WDR18: variants seen among roughly 807,000 people sequenced by gnomAD.
The protein encoded by WDR18 is WD repeat domain 18.
WDR18 carries 33 observed loss-of-function variants against 49.6 expected under a neutral mutation model. The ratio of observed to expected loss-of-function variants is 0.67; its 90% CI spans 0.50 to 0.89. WDR18 has a LOEUF of 0.89. Ranked by LOEUF, WDR18 falls within the 40% of genes least tolerant of loss-of-function variation. The probability of loss-of-function intolerance (pLI) is 0.00; values close to 1 mark genes in which losing one functional copy is unlikely to be tolerated. For synonymous variants in WDR18, 315 were observed against 263.6 expected (o/e 1.19, Z -1.89); for missense variants, 653 against 593.6 (o/e 1.10, Z -1.04).
At position 991,231 on chromosome 19, in the gene WDR18, C is replaced by A; in HGVS notation, c.811C>A (p.Gln271Lys). 6.4e-7 allele frequency: 1 copy of A among 1,574,472 alleles called. No individual in the cohort carries two copies. Among genetic ancestry groups the A allele is most frequent in the Admixed American group, 1.8e-5 (1 of 55,882 alleles). ...GACCCCTGTCTGTCTGTCCAGGAAC[C>A]AGGTGACTTGCCTGTCAGTGTCCAC... ...AGKVFKGHRN[Q>K]VTCLSVSTDG... The change falls in exon 7 of 10, where the codon CAG (glutamine) becomes AAG (lysine). Residue 271 changes from glutamine to lysine, a missense_variant. Physicochemically the swap from Gln to Lys is moderately conservative, Grantham distance 53. Transcript: ENST00000585809.
chr19:984,150 A>G (rs1027032161), upstream of WDR18: 20 of 546,180 alleles, frequency 3.7e-5, no homozygotes, highest in Non-Finnish European at 5.8e-5. Flanking sequence ...TCGCCTCCCC[A>G]GATCTCTAAG....
Position 991,296 on chromosome 19 carries a change from C to G in WDR18, c.876C>G (p.Thr292=). ...TGCTCTCAGGCTCCCACGACGAGAC[C>G]GTGCGCCTCTGGGACGTGCAGAGCA... ...SVLLSGSHDE[T]VRLWDVQSKQ... Residue 292 remains threonine (T), a synonymous_variant, in exon 7 of 10, where the codon ACC becomes ACG. Transcript: ENST00000585809. 1 of 1,563,074 alleles carries G rather than the reference C, an allele frequency of 6.4e-7. No homozygotes were observed.
chr19:990,324 T>A lies in WDR18; in HGVS notation c.557T>A (p.Leu186Gln). 1 of 1,592,000 alleles carries A rather than the reference T, an allele frequency of 6.3e-7. No homozygotes were observed. Among genetic ancestry groups the A allele is most frequent in the South Asian group, 1.1e-5 (1 of 89,638 alleles). Residue 186 changes from leucine to glutamine, a missense_variant, in exon 4 of 10, where the codon CTG becomes CAG. Leu to Gln is a moderately radical substitution (Grantham distance 113). Coordinates refer to ENST00000585809, the MANE Select transcript of WDR18 (RefSeq NM_024100.4). ...CTGCACTGCGGCTTTGGGGGCCCCC[T>A]GGCCCGGGTGGCCACCTCCTCACTG... is the stretch of plus-strand genomic sequence containing the variant. ...TDLHCGFGGP[L>Q]ARVATSSLDQ...
intron 2 of WDR18, 22 bp downstream of exon 2, chr19:985,997 C>T (rs2074574): frequency 5.6e-6 from 9 of 1,608,568 alleles, no homozygotes; most frequent in South Asian, 2.2e-5. Context: ...AAAGCGTGAG[C>T]GTTTCCCACA....
Position 994,266 on chromosome 19 carries a change from C to A in WDR18, c.1221C>A (p.Asp407Glu). Residue 407 changes from aspartate to glutamate, a missense_variant, in exon 10 of 10, where the codon GAC (aspartate) becomes GAA (glutamate). By Grantham distance (45) the Asp-to-Glu change is conservative. Transcript: ENST00000585809. ...QLRVRVTELE[D>E]EVRNLRKINR... ...GCGTCCGTGTGACGGAGCTGGAGGA[C>A]GAGGTGCGCAACCTGCGCAAGATCA... 6.2e-7 allele frequency: 1 copy of A among 1,609,610 alleles called. No homozygotes were observed. The highest frequency in any genetic ancestry group is 8.5e-7 in the Non-Finnish European group (1 of 1,178,818).
Position 985,846 on chromosome 19 carries a change from G to T in WDR18, c.211-19G>T. On this transcript the variant is annotated intron_variant, in intron 1 of 9. Transcript: ENST00000585809. ...CCGTGTCCTGCATGGGGCTCACGAGGCTGACTGTGCATCCTTAGGACCAGC... is the reference window on the plus strand; with the variant it reads ...CCGTGTCCTGCATGGGGCTCACGAGTCTGACTGTGCATCCTTAGGACCAGC... 3.7e-6 allele frequency: 6 copies of T among 1,613,098 alleles called. No homozygotes were observed. The highest frequency in any genetic ancestry group is 5.1e-6 in the Non-Finnish European group (6 of 1,179,460).
chr19:992,286 T>C (rs148670438), intron 8 of WDR18, among the ~76,000 whole-genome samples, 165 bp downstream of exon 8: 83 of 152,270 alleles, frequency 5.5e-4, no homozygotes, highest in African/African-American at 1.9e-3. Context: ...CGGTGGGGCC[T>C]CTGCCCACTC....
intron 7 of WDR18, 122 bp from the exon 8 acceptor site, chr19:991,833 G>C (rs1269259999): frequency 9.0e-7 from 1 of 1,111,106 alleles, no homozygotes; most frequent in Admixed American, 4.1e-5. Flanking sequence ...CTGGGGGCGT[G>C]GACTGGCTGT....
chr19:991,386 G>A, intron 7 of WDR18, 35 bp downstream of exon 7: 1 of 1,515,252 alleles, frequency 6.6e-7, no homozygotes, highest in Non-Finnish European at 8.9e-7. Context: ...CGGCCAGCGC[G>A]CAGGGGAAAA....
rs1235818561 is a variant in WDR18 at position 985,941 on chromosome 19, T to C, written c.287T>C (p.Leu96Pro). The part of the protein sequence containing the change: ...LTASPNGLYV[L>P]AGVAESIHLW... ...GCATCACCCAATGGTCTCTACGTCC[T>C]GGCAGGAGTTGCAGAAAGCATCCAC... Residue 96 changes from leucine (L) to proline (P), a missense_variant, in exon 2 of 10, where the codon CTG (leucine) becomes CCG (proline). Coordinates refer to ENST00000585809, the MANE Select transcript of WDR18 (RefSeq NM_024100.4). 21 of 1,613,718 alleles carry C rather than the reference T, an allele frequency of 1.3e-5. No homozygotes were observed. In the Admixed American group the frequency reaches 3.5e-4, roughly 27 times the overall value.
intron 2 of WDR18, among the ~76,000 whole-genome samples, chr19:987,876 C>T (rs1222461900): frequency 1.5e-5 from 2 of 129,784 alleles, no homozygotes; most frequent in Admixed American, 8.1e-5. Flanking sequence ...GCTCTGTTGC[C>T]CGGGCTGGAG....
At chr19:991,385 C>G in intron 7 of WDR18, 34 bp downstream of exon 7, 2 of 1,484,972 alleles carry the variant, frequency 1.3e-6, no homozygotes, top group Non-Finnish European at 1.8e-6. Flanking sequence ...GCGGCCAGCG[C>G]GCAGGGGAAA....
intron 7 of WDR18, 45 bp from the exon 8 acceptor site, chr19:991,910 G>A: frequency 2.1e-6 from 3 of 1,459,494 alleles, no homozygotes; most frequent in Non-Finnish European, 2.7e-6. Context: ...CTGTGGGGTG[G>A]GGCCTGGCTG....
intron 2 of WDR18, among the ~76,000 whole-genome samples, chr19:988,016 G>C (rs57692451): frequency 1.3e-5 from 2 of 151,790 alleles, no homozygotes; most frequent in Non-Finnish European, 2.9e-5. Context: ...TTTTATTAGA[G>C]ACGGAGTTTT....
upstream of WDR18, chr19:984,270 C>CG: frequency 2.2e-6 from 3 of 1,342,118 alleles, no homozygotes; most frequent in Non-Finnish European, 2.9e-6. Flanking sequence ...GCTGGGGCCG[C>CG]GGGGCCGCCG....
At chr19:992,501 C>A (rs116420376) in intron 8 of WDR18, among the ~76,000 whole-genome samples, 3,404 of 152,324 alleles carry the variant, frequency 0.022, 138 homozygotes, top group African/African-American at 0.078. Flanking sequence ...GCAGGAGCAG[C>A]CGTGAGGGCA....
At position 990,358 on chromosome 19, in the gene WDR18, G is replaced by C; in HGVS notation, c.591G>C (p.Thr197=). 2.6e-6 allele frequency: 4 copies of C among 1,565,648 alleles called. No individual in the cohort carries two copies. Among genetic ancestry groups the C allele is most frequent in the South Asian group, 1.1e-5 (1 of 86,978 alleles). ...ARVATSSLDQ[T]VKLWEVSSGE... ...TGGCCACCTCCTCACTGGACCAGAC[G>C]GTGAAGGTACGCCGCCCCCACCCCA... The change falls in exon 4 of 10, where the codon ACG becomes ACC. Residue 197 remains threonine (T), a synonymous_variant. Coordinates refer to ENST00000585809, the MANE Select transcript of WDR18 (RefSeq NM_024100.4).
rs888924765 is a variant in WDR18, at chr19:994,536, T to C, written c.*192T>C. 2.0e-5 allele frequency: 16 copies of C among 815,108 alleles called. No individual in the cohort carries two copies. The highest frequency in any genetic ancestry group is 2.8e-5 in the Non-Finnish European group (15 of 537,410). The allele number at this position is 815,108 out of a possible 1,614,324, so 50.5% of individuals were successfully genotyped here. A position where few individuals can be genotyped will look rare whatever the true frequency, so the allele number is the denominator to read the frequency against. ...CGTCACAGTGGTGCTAGTCTGTTTT[T>C]AACAAAAGAGGATGAAAAGCCCCTC... On this transcript the variant is annotated 3_prime_UTR_variant, in exon 10 of 10. Transcript: ENST00000585809.
intron 1 of WDR18, among the ~76,000 whole-genome samples, chr19:985,504 CT>C (rs2038465353): frequency 6.6e-6 from 1 of 152,136 alleles, no homozygotes; most frequent in African/African-American, 2.4e-5. Flanking sequence ...GAAGCTGAGG[CT>C]TGGGGTCTTA....
Sources: gnomAD v4.1 joint callset for allele counts (sites outside exome capture counted in the v4.1 genomes callset) on GRCh38, gnomAD v4.1.1 for gene constraint, MANE v1.5 for transcripts, NCBI Gene and HGNC (gene_info 2026-07-23, HGNC 2026-07-21) for gene names.